The following PDE8A variants were observed in gnomAD, a reference collection of about 807,000 sequenced individuals.
The protein encoded by PDE8A is high affinity cAMP-specific and IBMX-insensitive 3',5'-cyclic phosphodiesterase 8A.
PDE8A carries 59 observed loss-of-function variants against 105.0 expected under a neutral mutation model. That is an observed-to-expected ratio of 0.56 (90% CI 0.46 to 0.70). PDE8A has a LOEUF of 0.70. Among genes scored for constraint, PDE8A ranks in the 30% least tolerant of loss-of-function variants. PDE8A has a pLI of 0.00. For missense variants in PDE8A, 1,014 were observed against 1,045.9 expected, an observed-to-expected ratio of 0.97 and a Z score of 0.42; for synonymous variants, 355 against 371.9, an observed-to-expected ratio of 0.95 and a Z score of 0.52.
intron 1 of PDE8A, among the ~76,000 whole-genome samples, chr15:85,017,984 T>C (rs536139313): frequency 6.6e-6 from 1 of 151,354 alleles, no homozygotes; most frequent in African/African-American, 2.4e-5. Flanking sequence ...CCCAGGATGG[T>C]GGTGGTAGAT....
upstream of PDE8A, among the ~76,000 whole-genome samples, chr15:84,981,280 A>G (rs1245392051): frequency 6.6e-6 from 1 of 151,852 alleles, no homozygotes; most frequent in African/African-American, 2.4e-5. Context: ...CGTCCGGAGG[A>G]GGTGGCGGGC....
intron 1 of PDE8A, among the ~76,000 whole-genome samples, chr15:85,009,978 A>G (rs888551800): frequency 3.3e-5 from 5 of 152,264 alleles, no homozygotes; most frequent in African/African-American, 1.2e-4. Flanking sequence ...AACACCATGC[A>G]TGAATTTCAT....
intron 1 of PDE8A, among the ~76,000 whole-genome samples, chr15:85,034,167 C>A (rs2080664191): frequency 6.6e-6 from 1 of 152,156 alleles, no homozygotes. Context: ...CATGGGAGGA[C>A]ACTGGAGCAA....
intron 1 of PDE8A, chr15:85,063,647 C>T (rs2081179495): frequency 6.6e-6 from 1 of 152,240 alleles, no homozygotes. Context: ...CTTAGAACTT[C>T]AGTTTTCTAG....
At chr15:85,113,592 G>C (rs1177587412) in intron 13 of PDE8A, 145 bp downstream of exon 13, 2 of 749,638 alleles carry the variant, frequency 2.7e-6, no homozygotes, top group South Asian at 3.1e-5. Flanking sequence ...TCTGAAGAGA[G>C]AGGATGTGTG....
In PDE8A at chr15:85,042,363, C is replaced by T. The variant is rs143097922; in HGVS notation, c.187-22007C>T. Among the ~76,000 whole-genome samples the T allele has an allele frequency of 9.2e-5, 14 of 152,096 alleles. No individual in the cohort carries two copies. In the East Asian group the frequency reaches 2.3e-3, roughly 25 times the overall value. On this transcript the variant is annotated intron_variant, in intron 1 of 21. Coordinates refer to ENST00000394553, the MANE Select transcript of PDE8A (RefSeq NM_002605.3). ...CTAATTTTTTGTAGAGACAGCATCT[C>T]GCTATGGCTGGTCTTGAACTCCTGG... is the stretch of plus-strand genomic sequence containing the variant.
intron 1 of PDE8A, among the ~76,000 whole-genome samples, chr15:85,032,425 T>C (rs531965680): frequency 1.3e-5 from 2 of 152,254 alleles, no homozygotes; most frequent in East Asian, 3.9e-4. Context: ...GGAACAAAGG[T>C]CATGGAAACA....
intron 5 of PDE8A, among the ~76,000 whole-genome samples, chr15:85,077,723 A>T (rs773745381): frequency 1.3e-5 from 2 of 152,236 alleles, no homozygotes; most frequent in African/African-American, 2.4e-5. Flanking sequence ...GATATGAATT[A>T]TAAAGCAAGT....
rs542754813 is a variant in PDE8A at position 84,992,672 on chromosome 15, G to A, written c.186+10324G>A. ...TGACTAACTTAGTGCAGTAGTTTGG[G>A]AGAGGAGGGAATGAGAGAAGGAAAA... On this transcript the variant is annotated intron_variant, in intron 1 of 21. Transcript: ENST00000394553. Among the ~76,000 whole-genome samples, 5 of 152,266 alleles carry A rather than the reference G, an allele frequency of 3.3e-5. No homozygotes were observed. In the South Asian group the frequency reaches 1.0e-3, roughly 32 times the overall value.
chr15:85,013,189 A>G (rs1194523710), intron 1 of PDE8A, among the ~76,000 whole-genome samples: 1 of 152,238 alleles, frequency 6.6e-6, no homozygotes, highest in African/African-American at 2.4e-5. Context: ...TACATACAAA[A>G]TTCACAGATT....
At chr15:85,103,360 G>C (rs914066856) in intron 11 of PDE8A, among the ~76,000 whole-genome samples, 42 of 152,178 alleles carry the variant, frequency 2.8e-4, no homozygotes, top group African/African-American at 8.9e-4. Context: ...TTGTACCAGG[G>C]CATTTGGTCG....
rs1332711304 is a variant in PDE8A, at chr15:85,012,573, G to A, written c.186+30225G>A. Among the ~76,000 whole-genome samples, 74 of 149,918 alleles carry A rather than the reference G, an allele frequency of 4.9e-4. No homozygotes were observed. The Middle Eastern group carries it at 0.01, about 21-fold the overall frequency. On this transcript the variant is annotated intron_variant, in intron 1 of 21. Transcript: ENST00000394553. The stretch of plus-strand genomic sequence containing the variant: ...TGGGTTGGGGGGAGGGGGGAGGGAT[G>A]GCATTAGGAGATATACCTAATGCTA...
At chr15:85,028,784 T>C (rs999370561) in intron 1 of PDE8A, among the ~76,000 whole-genome samples, 3 of 152,048 alleles carry the variant, frequency 2.0e-5, no homozygotes, top group Non-Finnish European at 4.4e-5. Context: ...AATGAAGACT[T>C]CCCATCTGCT....
intron 17 of PDE8A, among the ~76,000 whole-genome samples, chr15:85,119,674 G>A (rs1285655567): frequency 2.0e-5 from 3 of 151,718 alleles, no homozygotes; most frequent in South Asian, 4.2e-4. Context: ...AACTTCATAG[G>A]CTATATTTTC....
chr15:85,123,006 C>T, intron 18 of PDE8A, 55 bp from the exon 19 acceptor site: 3 of 1,582,682 alleles, frequency 1.9e-6, no homozygotes, highest in South Asian at 1.1e-5. Context: ...TCAGGAGTAC[C>T]TGTCTGGTCT....
chr15:84,982,990 A>G (rs563222273), intron 1 of PDE8A, among the ~76,000 whole-genome samples: 5 of 152,350 alleles, frequency 3.3e-5, no homozygotes, highest in Non-Finnish European at 7.3e-5. Context: ...ATTCAGCAGA[A>G]CAAAGTTAAT....
chr15:85,039,305 T>C (rs73446126), intron 1 of PDE8A, among the ~76,000 whole-genome samples: 5,763 of 152,012 alleles, frequency 0.038, 373 homozygotes, highest in African/African-American at 0.13. Context: ...GGCACATGCC[T>C]GTAGTCCCAG....
chr15:85,088,565 A>G (rs768364428), intron 6 of PDE8A, among the ~76,000 whole-genome samples: 2 of 152,182 alleles, frequency 1.3e-5, no homozygotes, highest in South Asian at 2.1e-4. Flanking sequence ...TAATACTGCT[A>G]TGAACATTTG....
chr15:85,117,825 A>G lies in PDE8A; in HGVS notation c.1720A>G (p.Lys574Glu), dbSNP rs915848530. The G allele has an allele frequency of 2.5e-6, 4 of 1,611,894 alleles. No homozygotes were observed. The African/African-American group carries it at 5.3e-5, about 22-fold the overall frequency. ...VLHATAYFLS[K>E]ERIKETLDPI... ...TCATGCCACTGCCTATTTTCTCTCC[A>G]AGGAGAGGATAAAGGTGAGCTGTTG... Residue 574 changes from lysine to glutamate, a missense_variant, in exon 17 of 22, where the codon AAG (lysine) becomes GAG (glutamate). Coordinates refer to ENST00000394553, the MANE Select transcript of PDE8A (RefSeq NM_002605.3).
Sources: allele counts gnomAD v4.1 joint callset (sites outside exome capture counted in the v4.1 genomes callset), GRCh38; gene constraint gnomAD v4.1.1; transcripts MANE v1.5; gene names NCBI Gene and HGNC (gene_info 2026-07-23, HGNC 2026-07-21).